IGFBP3: variants seen among roughly 807,000 people sequenced by gnomAD.
IGFBP3 encodes the protein insulin like growth factor binding protein 3.
IGFBP3 carries 9 observed loss-of-function variants against 28.6 expected under a neutral mutation model. That is an observed-to-expected ratio of 0.31 (90% confidence interval 0.19 to 0.55). The LOEUF (loss-of-function observed/expected upper bound fraction) is 0.55, where lower values mean the gene tolerates loss of function less well. Among genes scored for constraint, IGFBP3 ranks in the 20% least tolerant of loss-of-function variants. The pLI is 0.93. For missense variants in IGFBP3, 382 were observed against 428.9 expected, an observed-to-expected ratio of 0.89 and a Z score of 0.97; for synonymous variants, 185 against 188.2, an observed-to-expected ratio of 0.98 and a Z score of 0.14.
intron 1 of IGFBP3, among the ~76,000 whole-genome samples, chr7:45,917,874 G>T (rs1359202548): frequency 6.6e-6 from 1 of 152,180 alleles, no homozygotes; most frequent in African/African-American, 2.4e-5. Context: ...CGGGGACTTG[G>T]AAGAAATGCA....
chr7:45,917,101 C>A, intron 2 of IGFBP3, 112 bp downstream of exon 2: 1 of 834,946 alleles, frequency 1.2e-6, no homozygotes. Context: ...GGGTTGCCCA[C>A]CCATCAGCCA....
intron 2 of IGFBP3, 134 bp from the exon 3 acceptor site, chr7:45,916,801 T>G (rs947263554): frequency 3.2e-6 from 3 of 936,042 alleles, no homozygotes; most frequent in African/African-American, 3.3e-5. Flanking sequence ...TTATGTCTGA[T>G]GTAGCACGAA....
At chr7:45,918,647 G>A (rs954117762) in intron 1 of IGFBP3, among the ~76,000 whole-genome samples, 3 of 152,182 alleles carry the variant, frequency 2.0e-5, no homozygotes, top group African/African-American at 7.2e-5. Flanking sequence ...CCCTAGCAGG[G>A]AGCTCAGGTG....
chr7:45,920,104 G>C (rs935775982), intron 1 of IGFBP3: 1 of 152,110 alleles, frequency 6.6e-6, no homozygotes, highest in African/African-American at 2.4e-5. Flanking sequence ...AAAGTGGCAC[G>C]CGGAGTTCAA....
In IGFBP3 at chr7:45,917,377, T is replaced by G; in HGVS notation, c.466A>C (p.Ser156Arg). The change falls in exon 2 of 5, where the codon AGC (serine) becomes CGC (arginine). Residue 156 changes from serine (S) to arginine (R), a missense_variant. By Grantham distance (110) the Ser-to-Arg change is moderately radical (BLOSUM62 -1). Coordinates refer to ENST00000613132, the MANE Select transcript of IGFBP3 (RefSeq NM_000598.5). ...AGSVESPSVS[S>R]THRVSDPKFH... Reference sequence around the variant, plus strand: ...TTGGGATCAGACACCCGGTGCGTGCTGGAGACGGACGGGCTCTCCACACTG... The same window carrying G: ...TTGGGATCAGACACCCGGTGCGTGCGGGAGACGGACGGGCTCTCCACACTG... The G allele has an allele frequency of 6.2e-7, 1 of 1,614,072 alleles. No individual in the cohort carries two copies.
intron 3 of IGFBP3, 86 bp downstream of exon 3, chr7:45,916,462 G>C: frequency 7.2e-7 from 1 of 1,394,458 alleles, no homozygotes; most frequent in Non-Finnish European, 1.0e-6. Context: ...TTAGAGCTAT[G>C]GCCAGAAGAG....
chr7:45,914,162 C>G (rs945074306), intron 4 of IGFBP3: 1 of 151,996 alleles, frequency 6.6e-6, no homozygotes, highest in Non-Finnish European at 1.5e-5. Flanking sequence ...TATTCCTTTC[C>G]CCCAATAGTT....
At chr7:45,920,649 T>G in intron 1 of IGFBP3, 89 bp downstream of exon 1, 2 of 1,184,876 alleles carry the variant, frequency 1.7e-6, no homozygotes, top group South Asian at 5.1e-5. Context: ...AAAAGCGGAG[T>G]CTCCCGCAGC....
rs764240192 is a variant in IGFBP3 at position 45,917,181 on chromosome 7, C to T, written c.630+32G>A. 1.9e-6 allele frequency: 3 copies of T among 1,550,366 alleles called. No individual in the cohort carries two copies. In the African/African-American group the frequency reaches 4.1e-5, roughly 21 times the overall value. On this transcript the variant is annotated intron_variant, in intron 2 of 4. Coordinates refer to ENST00000613132, the MANE Select transcript of IGFBP3 (RefSeq NM_000598.5). ...AGTACCCAGGCTTGGCAGGTCTTGCCCTCCTCCTTTAACAAGAGGAAAAGC... is the reference window on the plus strand; with the variant it reads ...AGTACCCAGGCTTGGCAGGTCTTGCTCTCCTCCTTTAACAAGAGGAAAAGC...
In IGFBP3 at chr7:45,920,915, T is replaced by C; in HGVS notation, c.226A>G (p.Ser76Gly). 7.0e-7 allele frequency: 1 copy of C among 1,433,860 alleles called. No individual in the cohort carries two copies. Among genetic ancestry groups the C allele is most frequent in the Non-Finnish European group, 9.1e-7 (1 of 1,100,962 alleles). The allele number at this position is 1,433,860 out of a possible 1,614,324, so 88.8% of individuals were successfully genotyped here. A position where few individuals can be genotyped will look rare whatever the true frequency, so the allele number is the denominator to read the frequency against. Residue 76 changes from serine (S) to glycine (G), a missense_variant, in exon 1 of 5, where the codon AGC (serine) becomes GGC (glycine). By Grantham distance (56) the Ser-to-Gly change is moderately conservative. Transcript: ENST00000613132. ...GCGCCLTCAL[S>G]EGQPCGIYTE... is the part of the protein sequence containing the mutation. Reference sequence around the variant, plus strand: ...TAGATGCCGCACGGCTGGCCCTCGCTCAGTGCGCACGTCAGGCAGCAGCCG... The same window carrying C: ...TAGATGCCGCACGGCTGGCCCTCGCCCAGTGCGCACGTCAGGCAGCAGCCG...
chr7:45,919,877 G>C (rs1336088757), intron 1 of IGFBP3: 3 of 151,798 alleles, frequency 2.0e-5, no homozygotes, highest in Admixed American at 6.6e-5. Flanking sequence ...CCAAATGTTT[G>C]CATTTTTCCT....
chr7:45,921,180 G>A lies in IGFBP3; in HGVS notation c.-40C>T. ...GGGCACGCTGCTTGGCAGGCTGGGC[G>A]CGCAGGGATGGGGCGACAGTACACG... is the stretch of plus-strand genomic sequence containing the variant. On this transcript the variant is annotated 5_prime_UTR_variant, in exon 1 of 5. Coordinates refer to ENST00000613132, the MANE Select transcript of IGFBP3 (RefSeq NM_000598.5). 8 of 1,502,446 alleles carry A rather than the reference G, an allele frequency of 5.3e-6. No homozygotes were observed. Among genetic ancestry groups the A allele is most frequent in the Non-Finnish European group, 7.1e-6 (8 of 1,128,838 alleles). The allele number at this position is 1,502,446 out of a possible 1,614,324, so 93.1% of individuals were successfully genotyped here.
At chr7:45,914,627 T>A in intron 4 of IGFBP3, 178 bp downstream of exon 4, 1 of 544,174 alleles carries the variant, frequency 1.8e-6, no homozygotes. Context: ...TGATGGGGTC[T>A]CCCTCTCCCT....
chr7:45,915,860 A>G (rs2116575871), intron 3 of IGFBP3, among the ~76,000 whole-genome samples: 1 of 152,332 alleles, frequency 6.6e-6, no homozygotes, highest in East Asian at 1.9e-4. Flanking sequence ...GGCCATCCCC[A>G]GCATGGACCG....
At chr7:45,920,644 C>T (rs977849071) in intron 1 of IGFBP3, 94 bp downstream of exon 1, 48 of 1,158,570 alleles carry the variant, frequency 4.1e-5, no homozygotes, top group Non-Finnish European at 5.0e-5. Context: ...AGAAGAAAAG[C>T]GGAGTCTCCC....
chr7:45,916,526 A>C, intron 3 of IGFBP3, 22 bp downstream of exon 3: 1 of 1,603,472 alleles, frequency 6.2e-7, no homozygotes, highest in Non-Finnish European at 8.5e-7. Flanking sequence ...GAGGAAGAAA[A>C]CACACTGAGG....
intron 4 of IGFBP3, chr7:45,914,214 C>T (rs1784578647): frequency 6.6e-6 from 1 of 152,130 alleles, no homozygotes; most frequent in African/African-American, 2.4e-5. Flanking sequence ...GATATAATAG[C>T]ATTCTCTAAA....
At chr7:45,917,149 G>T in intron 2 of IGFBP3, 64 bp downstream of exon 2, 2 of 1,347,232 alleles carry the variant, frequency 1.5e-6, no homozygotes, top group Non-Finnish European at 2.1e-6. Context: ...GCCCTCAAGA[G>T]GCTCTGAGTA....
At position 45,920,869 on chromosome 7, in the gene IGFBP3, C is replaced by T; in HGVS notation, c.272G>A (p.Gly91Asp). ...CGIYTERCGS[G>D]LRCQPSPDEA... ...GTCGGGCGACGGCTGGCAGCGAAGG[C>T]CGGAGCCACAGCGCTCGGTGTAGAT... is the stretch of plus-strand genomic sequence containing the variant. The change falls in exon 1 of 5, where the codon GGC becomes GAC. Residue 91 changes from glycine to aspartate, a missense_variant. Coordinates refer to ENST00000613132, the MANE Select transcript of IGFBP3 (RefSeq NM_000598.5). 1.4e-6 allele frequency: 2 copies of T among 1,422,772 alleles called. No homozygotes were observed. Among genetic ancestry groups the T allele is most frequent in the East Asian group, 3.1e-5 (1 of 32,468 alleles). 88.1% of individuals were successfully genotyped at this position (1,422,772 alleles called of 1,614,324 possible). A position where few individuals can be genotyped will look rare whatever the true frequency, so the allele number is the denominator to read the frequency against.
Sources: allele counts gnomAD v4.1 joint callset (sites outside exome capture counted in the v4.1 genomes callset), GRCh38; gene constraint gnomAD v4.1.1; transcripts MANE v1.5; gene names NCBI Gene and HGNC (gene_info 2026-07-23, HGNC 2026-07-21).